ARHGEF18: variants seen among roughly 807,000 people sequenced by gnomAD.
The protein encoded by ARHGEF18 is rho guanine nucleotide exchange factor 18.
Under a neutral mutation model 155.7 loss-of-function variants are expected in ARHGEF18, and 93 were observed. The ratio of observed to expected loss-of-function variants is 0.60; its 90% confidence interval spans 0.50 to 0.71. ARHGEF18 has a LOEUF of 0.71. Ranked by LOEUF, ARHGEF18 falls within the 30% of genes least tolerant of loss-of-function variation. The probability of loss-of-function intolerance (pLI) is 0.00; values close to 1 mark genes in which losing one functional copy is unlikely to be tolerated. For missense variants in ARHGEF18, 1,593 were observed against 1,816.1 expected (o/e 0.88, Z 2.23); for synonymous variants, 742 against 753.1 (o/e 0.99, Z 0.24).
At chr19:7,469,795 G>C in intron 27 of ARHGEF18, 109 bp from the exon 28 acceptor site, 1 of 1,361,314 alleles carries the variant, frequency 7.3e-7, no homozygotes, top group Non-Finnish European at 1.0e-6. Context: ...GGCCGCCCGT[G>C]GGAAGTGTCA....
chr19:7,441,647 A>G lies in ARHGEF18; in HGVS notation c.1107-6A>G. On this transcript the variant is annotated splice_region_variant and splice_polypyrimidine_tract_variant and intron_variant, in intron 11 of 28. Coordinates refer to ENST00000668164, the MANE Select transcript of ARHGEF18 (RefSeq NM_001367823.1). ...TAAAACAATTGTTTTTATTGTTTGC[A>G]CTCAGACCAATCACAGGAGAGATGG... 2 of 1,612,296 alleles carry G rather than the reference A, an allele frequency of 1.2e-6. No individual in the cohort carries two copies. Among genetic ancestry groups the G allele is most frequent in the South Asian group, 1.1e-5 (1 of 91,052 alleles).
chr19:7,398,615 C>T (rs887867392), intron 10 of ARHGEF18, among the ~76,000 whole-genome samples: 12 of 151,290 alleles, frequency 7.9e-5, no homozygotes, highest in East Asian at 2.0e-4. Flanking sequence ...CGCTTGAACC[C>T]GCAAGGCAGA....
chr19:7,451,170 G>T lies in ARHGEF18; in HGVS notation c.1759G>T (p.Val587Leu), dbSNP rs560453300. ...CTAGAAAATTGGCAACTTCTCCATC[G>T]TGCGGCGGCTTGGCGTGCAGGAGTG... The part of the protein sequence containing the change: ...LIKKIGNFSI[V>L]RRLGVQECIL... The change falls in exon 16 of 29, where the codon GTG becomes TTG. Residue 587 changes from valine to leucine, a missense_variant. Transcript: ENST00000668164. The T allele has an allele frequency of 1.3e-6, 2 of 1,568,724 alleles. No homozygotes were observed. The highest frequency in any genetic ancestry group is 1.6e-5 in the African/African-American group (1 of 61,144).
chr19:7,380,003 AT>A (rs11326216), intron 7 of ARHGEF18, among the ~76,000 whole-genome samples: 60,685 of 147,652 alleles, frequency 0.41, 13,984 homozygotes, highest in African/African-American at 0.65. Context: ...TGTCTGTATA[AT>A]TTTTTTTTTT....
At position 7,440,044 on chromosome 19, in the gene ARHGEF18, A is replaced by C; in HGVS notation, c.968-300A>C. ...TTTTCTAGAAGGATCCCACCGAGGC[A>C]TAAAAACGGCGCAGCCCAGCCTGGC... On this transcript the variant is annotated intron_variant, in intron 10 of 28. Transcript: ENST00000668164. The surrounding 1 kb of genome is among the most constrained non-coding windows in gnomAD (Gnocchi z 5.4). 3 of 1,550,744 alleles carry C rather than the reference A, an allele frequency of 1.9e-6. No individual in the cohort carries two copies. The highest frequency in any genetic ancestry group is 2.6e-6 in the Non-Finnish European group (3 of 1,146,792).
rs1976823126 is a variant in ARHGEF18 at position 7,468,780 on chromosome 19, A to G, written c.3481-45A>G. ...CCCTCGGGGGCTCTCCAGAGGCCGCACAGCAGGAACCTCACATTGGATGTA... is the reference window on the plus strand; with the variant it reads ...CCCTCGGGGGCTCTCCAGAGGCCGCGCAGCAGGAACCTCACATTGGATGTA... On this transcript the variant is annotated intron_variant, in intron 26 of 28. Transcript: ENST00000668164. 3 of 1,484,532 alleles carry G rather than the reference A, an allele frequency of 2.0e-6. No individual in the cohort carries two copies. In the Admixed American group the frequency reaches 6.6e-5, roughly 33 times the overall value. The allele number at this position is 1,484,532 out of a possible 1,614,324, so 92.0% of individuals were successfully genotyped here.
At position 7,459,930 on chromosome 19, in the gene ARHGEF18, C is replaced by T; in HGVS notation, c.2388C>T (p.Phe796=). The part of the protein sequence containing the change: ...ESCPDEEEGP[F]SLPEEERKVV... ...GCCCTGACGAGGAGGAGGGGCCCTTCAGCCTGCCCGAAGAGGAAAGGAAGG... is the reference window on the plus strand; with the variant it reads ...GCCCTGACGAGGAGGAGGGGCCCTTTAGCCTGCCCGAAGAGGAAAGGAAGG... The change falls in exon 20 of 29, where the codon TTC becomes TTT. Residue 796 remains phenylalanine (F), a synonymous_variant. Coordinates refer to ENST00000668164, the MANE Select transcript of ARHGEF18 (RefSeq NM_001367823.1). The T allele has an allele frequency of 6.3e-7, 1 of 1,586,826 alleles. No homozygotes were observed. Among genetic ancestry groups the T allele is most frequent in the Non-Finnish European group, 8.6e-7 (1 of 1,166,574 alleles).
intron 10 of ARHGEF18, among the ~76,000 whole-genome samples, chr19:7,407,789 C>T (rs1023170776): frequency 4.0e-5 from 6 of 151,694 alleles, no homozygotes; most frequent in Non-Finnish European, 7.4e-5. Flanking sequence ...GGTGAAACCC[C>T]GTCTCTACTG....
chr19:7,425,476 G>A (rs964323914), intron 10 of ARHGEF18, among the ~76,000 whole-genome samples: 2 of 151,964 alleles, frequency 1.3e-5, no homozygotes, highest in African/African-American at 4.8e-5. Context: ...GAGGTCAGGA[G>A]TTCAAGACCA....
At chr19:7,375,362 G>GAAGGAAGAAAGAA (rs1568277035) in intron 3 of ARHGEF18, among the ~76,000 whole-genome samples, 3 of 125,990 alleles carry the variant, frequency 2.4e-5, no homozygotes, top group African/African-American at 9.8e-5. Flanking sequence ...GAAAAGGAAG[G>GAAGGAAGAAAGAA]AAGGAAGGAA....
chr19:7,430,757 T>G (rs1014627598), intron 10 of ARHGEF18, among the ~76,000 whole-genome samples: 2 of 152,068 alleles, frequency 1.3e-5, no homozygotes, highest in Non-Finnish European at 2.9e-5. Flanking sequence ...GTAAGCTAAG[T>G]CTGTGCCACT....
Position 7,395,119 on chromosome 19 carries a change from C to G in ARHGEF18, c.967+11916C>G. The G allele has an allele frequency of 2.0e-6, 2 of 985,530 alleles. No homozygotes were observed. Among genetic ancestry groups the G allele is most frequent in the Non-Finnish European group, 2.4e-6 (2 of 829,992 alleles). The allele number at this position is 985,530 out of a possible 1,614,324, so 61.0% of individuals were successfully genotyped here. On this transcript the variant is annotated intron_variant, in intron 10 of 28. Transcript: ENST00000668164. This position sits in a 1 kb window ranked among gnomAD's most constrained non-coding sequence, Gnocchi z 5.0. ...TCGCGCATGCGCTGCTCTCCTCGCG[C>G]GGCTTCCCGCTTCCGGCTCCCAGCT...
At chr19:7,349,407 C>T (rs1304067262) in intron 1 of ARHGEF18, among the ~76,000 whole-genome samples, 166 bp downstream of exon 1, 1 of 152,042 alleles carries the variant, frequency 6.6e-6, no homozygotes, top group Non-Finnish European at 1.5e-5. Context: ...TTGACCCTTG[C>T]GTTCATTGTG....
Position 7,440,398 on chromosome 19 carries a change from T to C in ARHGEF18, c.1022T>C (p.Leu341Pro). The change falls in exon 11 of 29, where the codon CTG (leucine) becomes CCG (proline). Residue 341 changes from leucine to proline, a missense_variant. Coordinates refer to ENST00000668164, the MANE Select transcript of ARHGEF18 (RefSeq NM_001367823.1). This position sits in a 1 kb window ranked among gnomAD's most constrained non-coding sequence, Gnocchi z 5.4. ...CTCCTGTCCGATGGCAGCCCGGCCC[T>C]GTCCAGGAATGTCGGTATGACGGTC... ...GTLLSDGSPA[L>P]SRNVGMTVSQ... is the part of the protein sequence containing the mutation. The C allele has an allele frequency of 6.2e-7, 1 of 1,608,208 alleles. No individual in the cohort carries two copies.
Position 7,451,270 on chromosome 19 carries a change from G to A in ARHGEF18, c.1855+4G>A, listed in dbSNP as rs1191138660. On this transcript the variant is annotated splice_donor_region_variant and intron_variant, in intron 16 of 28. Coordinates refer to ENST00000668164, the MANE Select transcript of ARHGEF18 (RefSeq NM_001367823.1). ...CGCATCATCCAGAACACGGAAGGTA[G>A]GCCTTCTCCCCACTGCCCCGCCCGC... 2 of 1,613,190 alleles carry A rather than the reference G, an allele frequency of 1.2e-6. No homozygotes were observed. The highest frequency in any genetic ancestry group is 1.7e-6 in the Non-Finnish European group (2 of 1,179,768).
At chr19:7,457,078 T>G (rs1975881811) in intron 18 of ARHGEF18, among the ~76,000 whole-genome samples, 1 of 152,170 alleles carries the variant, frequency 6.6e-6, no homozygotes, top group Non-Finnish European at 1.5e-5. Flanking sequence ...CTGAGGCTGC[T>G]GTAAACAAAG....
intron 18 of ARHGEF18, 52 bp downstream of exon 18, chr19:7,456,455 G>C (rs368967040): frequency 6.5e-7 from 1 of 1,549,880 alleles, no homozygotes; most frequent in Admixed American, 1.7e-5. Flanking sequence ...TGTGGCTCAC[G>C]TCTATAATCC....
At chr19:7,465,469 C>A (rs1310731247) in intron 23 of ARHGEF18, among the ~76,000 whole-genome samples, 2 of 146,696 alleles carry the variant, frequency 1.4e-5, no homozygotes, top group African/African-American at 2.5e-5. Flanking sequence ...AGGGCAGTGG[C>A]GTGATCACAG....
intron 10 of ARHGEF18, among the ~76,000 whole-genome samples, chr19:7,398,268 G>A (rs58782365): frequency 0.03 from 4,575 of 151,652 alleles, 236 homozygotes; most frequent in African/African-American, 0.1. Context: ...GCGGGGTTTC[G>A]CCATGTTGGC....
Sources: gnomAD v4.1 joint callset for allele counts (sites outside exome capture counted in the v4.1 genomes callset) on GRCh38, gnomAD v4.1.1 for gene constraint, Gnocchi (gnomAD v3.1) non-coding constraint, MANE v1.5 for transcripts, NCBI Gene and HGNC (gene_info 2026-07-23, HGNC 2026-07-21) for gene names.